PRKAG2: variants seen among roughly 807,000 people sequenced by gnomAD.
The protein encoded by PRKAG2 is protein kinase AMP-activated non-catalytic subunit gamma 2, also known as 5'-AMP-activated protein kinase subunit gamma-2.
In PRKAG2, 26 loss-of-function variants were observed where a neutral mutation model predicts 69.6. The ratio of observed to expected loss-of-function variants is 0.37; its 90% confidence interval spans 0.27 to 0.52. The LOEUF (loss-of-function observed/expected upper bound fraction) is 0.52, where lower values mean the gene tolerates loss of function less well. PRKAG2 is among the 20% of genes least tolerant of loss of function. The pLI is 0.90. For missense variants in PRKAG2, 557 were observed against 740.0 expected (o/e 0.75, Z 2.87); for synonymous variants, 293 against 285.0 (o/e 1.03, Z -0.28).
chr7:151,718,279 G>GC (rs1554560897), intron 3 of PRKAG2, among the ~76,000 whole-genome samples: 2 of 70,950 alleles, frequency 2.8e-5, no homozygotes, highest in Non-Finnish European at 6.2e-5. Flanking sequence ...GGTGGGTGGA[G>GC]GGGGGGGTAG....
chr7:151,615,114 A>C (rs934800784), intron 5 of PRKAG2, among the ~76,000 whole-genome samples: 7 of 152,154 alleles, frequency 4.6e-5, no homozygotes, highest in African/African-American at 4.8e-5. Context: ...ATCCAGAGAG[A>C]ACCCCGAGAA....
intron 1 of PRKAG2, 85 bp downstream of exon 1, chr7:151,876,422 G>C (rs2080406786): frequency 7.5e-7 from 1 of 1,330,228 alleles, no homozygotes; most frequent in African/African-American, 1.4e-5. Context: ...CGGCGCGCGC[G>C]GGGCGTCCAG....
At chr7:151,870,363 G>A (rs546698312) in intron 1 of PRKAG2, among the ~76,000 whole-genome samples, 1 of 152,270 alleles carries the variant, frequency 6.6e-6, no homozygotes, top group South Asian at 2.1e-4. Flanking sequence ...TTCTGATTCA[G>A]TAAGTCTGGG....
intron 1 of PRKAG2, among the ~76,000 whole-genome samples, chr7:151,843,201 C>T (rs1415588406): frequency 6.6e-6 from 1 of 152,086 alleles, no homozygotes; most frequent in Non-Finnish European, 1.5e-5. Flanking sequence ...AGCATATGTA[C>T]ACAGATAATA....
At chr7:151,678,612 T>C (rs1282776357) in intron 3 of PRKAG2, among the ~76,000 whole-genome samples, 1 of 151,810 alleles carries the variant, frequency 6.6e-6, no homozygotes, top group East Asian at 1.9e-4. Context: ...GAGGAGAGGG[T>C]TAGGACCCGA....
At chr7:151,769,908 T>C (rs1362618219) in intron 3 of PRKAG2, among the ~76,000 whole-genome samples, 1 of 152,126 alleles carries the variant, frequency 6.6e-6, no homozygotes, top group African/African-American at 2.4e-5. Flanking sequence ...CCAAATTCAG[T>C]ACCTTTTGAG....
chr7:151,741,942 T>C (rs1327533429), intron 3 of PRKAG2, among the ~76,000 whole-genome samples: 2 of 152,252 alleles, frequency 1.3e-5, no homozygotes, highest in Non-Finnish European at 2.9e-5. Context: ...ATTTACTGAA[T>C]GCCTACCATA....
At chr7:151,874,905 T>C (rs11971304) in intron 1 of PRKAG2, among the ~76,000 whole-genome samples, 147,185 of 152,242 alleles carry the variant, frequency 0.97, 71,350 homozygotes, top group East Asian at 1. Context: ...AAAAAAACAA[T>C]AAAAAAGAGT....
intron 1 of PRKAG2, among the ~76,000 whole-genome samples, chr7:151,787,154 C>T (rs1478158609): frequency 3.3e-5 from 5 of 152,232 alleles, no homozygotes; most frequent in African/African-American, 9.6e-5. Context: ...ATCCTCAAAT[C>T]GGGCACAGCT....
chr7:151,786,459 G>T lies in PRKAG2; in HGVS notation c.186+11C>A, dbSNP rs1448833191. 1 of 1,607,308 alleles carries T rather than the reference G, an allele frequency of 6.2e-7. No individual in the cohort carries two copies. Reference sequence around the variant, plus strand: ...GTGAGCTGTGAGAAACTTCTGGAAAGGAGGTCTTACCTTTCGAGAGGAATG... The same window carrying T: ...GTGAGCTGTGAGAAACTTCTGGAAATGAGGTCTTACCTTTCGAGAGGAATG... On this transcript the variant is annotated intron_variant, in intron 2 of 15. Transcript: ENST00000287878.
intron 3 of PRKAG2, among the ~76,000 whole-genome samples, chr7:151,698,374 G>A (rs942048527): frequency 6.6e-6 from 1 of 152,134 alleles, no homozygotes; most frequent in Non-Finnish European, 1.5e-5. Context: ...ATCATCGCTG[G>A]TATGGTTTAG....
At chr7:151,761,790 C>T (rs368486566) in intron 3 of PRKAG2, among the ~76,000 whole-genome samples, 1 of 152,214 alleles carries the variant, frequency 6.6e-6, no homozygotes, top group African/African-American at 2.4e-5. Flanking sequence ...CTGCCAACTG[C>T]GTGGAGAATC....
In PRKAG2 at chr7:151,835,376, G is replaced by A. The variant is rs2079124207; in HGVS notation, c.114+41131C>T. Among the ~76,000 whole-genome samples the A allele has an allele frequency of 6.6e-6, 1 of 151,594 alleles. No individual in the cohort carries two copies. The highest frequency in any genetic ancestry group is 1.9e-4 in the East Asian group (1 of 5,164). On this transcript the variant is annotated intron_variant, in intron 1 of 15. Coordinates refer to ENST00000287878, the MANE Select transcript of PRKAG2 (RefSeq NM_016203.4). The surrounding 1 kb of genome is among the most constrained non-coding windows in gnomAD (Gnocchi z 4.1). ...TTATTTTTATTATTTTTAATTTTTT[G>A]TAGAGACGGGTCTCCCTATGTTGCC...
intron 1 of PRKAG2, among the ~76,000 whole-genome samples, chr7:151,852,901 C>T (rs1224270722): frequency 6.6e-6 from 1 of 152,222 alleles, no homozygotes; most frequent in African/African-American, 2.4e-5. Flanking sequence ...GGGAAGAATA[C>T]CTGCTCTTTC....
At chr7:151,865,846 C>G (rs189089619) in intron 1 of PRKAG2, among the ~76,000 whole-genome samples, 1 of 151,866 alleles carries the variant, frequency 6.6e-6, no homozygotes, top group Non-Finnish European at 1.5e-5. Context: ...GGTGAAACCC[C>G]GTCTCTATTA....
chr7:151,752,775 C>T (rs566143858), intron 3 of PRKAG2, among the ~76,000 whole-genome samples: 2 of 152,320 alleles, frequency 1.3e-5, no homozygotes, highest in Non-Finnish European at 2.9e-5. Flanking sequence ...GCAAGAAATA[C>T]ATATCAATCC....
chr7:151,559,408 G>C (rs1345715305), intron 15 of PRKAG2: 99 of 985,256 alleles, frequency 1.0e-4, no homozygotes, highest in Non-Finnish European at 1.2e-4. Flanking sequence ...CTTGAAGTTT[G>C]CAAGTGACTG....
At chr7:151,851,578 C>T (rs2079569836) in intron 1 of PRKAG2, among the ~76,000 whole-genome samples, 1 of 152,198 alleles carries the variant, frequency 6.6e-6, no homozygotes, top group African/African-American at 2.4e-5. Context: ...ATGGAAATTT[C>T]CATATGCCCC....
intron 4 of PRKAG2, among the ~76,000 whole-genome samples, chr7:151,660,204 G>T (rs1313450106): frequency 6.6e-5 from 10 of 152,126 alleles, no homozygotes; most frequent in African/African-American, 2.4e-4. Context: ...ATCTTTAATT[G>T]TTAGACATAA....
Sources: allele counts gnomAD v4.1 joint callset (sites outside exome capture counted in the v4.1 genomes callset), GRCh38; gene constraint gnomAD v4.1.1; non-coding constraint Gnocchi (gnomAD v3.1); transcripts MANE v1.5; gene names NCBI Gene and HGNC (gene_info 2026-07-23, HGNC 2026-07-21).